The following C1orf21 variants were observed in gnomAD, a reference collection of about 807,000 sequenced individuals.
The protein encoded by C1orf21 is chromosome 1 open reading frame 21, also known as uncharacterized protein C1orf21.
A neutral mutation model predicts 18.7 loss-of-function variants in C1orf21; 3 were observed. That is an observed-to-expected ratio of 0.16 (90% CI 0.07 to 0.42). C1orf21 has a LOEUF of 0.42. Among genes scored for constraint, C1orf21 ranks in the 10% least tolerant of loss-of-function variants. The probability of loss-of-function intolerance (pLI) is 0.99; values close to 1 mark genes in which losing one functional copy is unlikely to be tolerated. For synonymous variants in C1orf21, 41 were observed against 46.4 expected (o/e 0.88, Z 0.47); for missense variants, 104 against 143.6 (o/e 0.72, Z 1.41).
At chr1:184,523,032 G>A (rs898541954) in intron 3 of C1orf21, among the ~76,000 whole-genome samples, 1 of 152,222 alleles carries the variant, frequency 6.6e-6, no homozygotes, top group Non-Finnish European at 1.5e-5. Context: ...AAATATCCAT[G>A]AGTCCATACT....
Position 184,512,122 on chromosome 1 carries a change from G to A in C1orf21, c.189+4440G>A, listed in dbSNP as rs559853603. Among the ~76,000 whole-genome samples the A allele has an allele frequency of 3.3e-5, 5 of 152,308 alleles. No individual in the cohort carries two copies. The East Asian group carries it at 9.6e-4, about 29-fold the overall frequency. On this transcript the variant is annotated intron_variant, in intron 3 of 5. Transcript: ENST00000235307. ...CCCTAGGTGGTCTGTGCCCACAGGA[G>A]GCTTTGGTTTCTGTCTTGCCACTGC...
rs886242386 is a variant in C1orf21, at chr1:184,624,099, T to C, written c.*4543T>C. Reference sequence around the variant, plus strand: ...GTGGAATGCATCTATCCAACATAAATGCCCATGTTGAAAGAAGGAAAGATG... The same window carrying C: ...GTGGAATGCATCTATCCAACATAAACGCCCATGTTGAAAGAAGGAAAGATG... On this transcript the variant is annotated 3_prime_UTR_variant, in exon 6 of 6. Transcript: ENST00000235307. 1.2e-4 allele frequency: 19 copies of C among 152,662 alleles called. No homozygotes were observed. Among genetic ancestry groups the C allele is most frequent in the African/African-American group, 3.6e-4 (15 of 41,460 alleles). 9.5% of individuals were successfully genotyped at this position (152,662 alleles called of 1,614,324 possible). A position where few individuals can be genotyped will look rare whatever the true frequency, so the allele number is the denominator to read the frequency against.
At chr1:184,530,771 A>G (rs1658450458) in intron 3 of C1orf21, among the ~76,000 whole-genome samples, 1 of 151,790 alleles carries the variant, frequency 6.6e-6, no homozygotes, top group Non-Finnish European at 1.5e-5. Flanking sequence ...GATCTTGCTT[A>G]CTTATTTCCA....
At chr1:184,535,228 T>C (rs1360124693) in intron 3 of C1orf21, among the ~76,000 whole-genome samples, 1 of 152,124 alleles carries the variant, frequency 6.6e-6, no homozygotes, top group Admixed American at 6.5e-5. Flanking sequence ...GGGACAGCTG[T>C]GTAGGAGCTT....
chr1:184,404,033 T>C (rs1656204433), intron 1 of C1orf21, among the ~76,000 whole-genome samples: 1 of 152,224 alleles, frequency 6.6e-6, no homozygotes, highest in Non-Finnish European at 1.5e-5. Context: ...GGATATGTTA[T>C]ATGCCAGATA....
At chr1:184,390,440 A>G (rs1655954594) in intron 1 of C1orf21, among the ~76,000 whole-genome samples, 1 of 152,204 alleles carries the variant, frequency 6.6e-6, no homozygotes, top group South Asian at 2.1e-4. Context: ...AGTTTACATG[A>G]AAATAATTTG....
intron 1 of C1orf21, among the ~76,000 whole-genome samples, chr1:184,465,461 T>C (rs1657379279): frequency 6.6e-6 from 1 of 152,126 alleles, no homozygotes; most frequent in Non-Finnish European, 1.5e-5. Context: ...GTCCAGAAAA[T>C]GATCTACAAA....
intron 1 of C1orf21, among the ~76,000 whole-genome samples, chr1:184,407,145 TA>T (rs929334770): frequency 5.9e-5 from 9 of 151,660 alleles, no homozygotes; most frequent in South Asian, 2.1e-4. Flanking sequence ...TTGGCTAATT[TA>T]AAAAAAAATT....
intron 5 of C1orf21, among the ~76,000 whole-genome samples, chr1:184,604,348 C>G (rs1228261581): frequency 3.9e-5 from 6 of 152,184 alleles, no homozygotes; most frequent in Non-Finnish European, 8.8e-5. Context: ...GTTCCTCCCA[C>G]CCAGCAGGTT....
intron 1 of C1orf21, among the ~76,000 whole-genome samples, chr1:184,436,424 A>T (rs892162086): frequency 6.6e-5 from 10 of 151,494 alleles, no homozygotes; most frequent in African/African-American, 2.2e-4. Flanking sequence ...GTGTAGAAGG[A>T]TGTGGTGCAA....
chr1:184,390,427 G>A lies in C1orf21; in HGVS notation c.-125+3059G>A, dbSNP rs561697735. On this transcript the variant is annotated intron_variant, in intron 1 of 5. Coordinates refer to ENST00000235307, the MANE Select transcript of C1orf21 (RefSeq NM_030806.4). The stretch of plus-strand genomic sequence containing the variant: ...GGTATGGCAGGTCTGATCTTACAAT[G>A]CAAGTTTACATGAAAATAATTTGTA... 2.0e-5 allele frequency among the ~76,000 whole-genome samples: 3 copies of A among 152,292 alleles called. No homozygotes were observed. The South Asian group carries it at 6.2e-4, about 32-fold the overall frequency.
At chr1:184,459,099 T>C (rs1217001434) in intron 1 of C1orf21, among the ~76,000 whole-genome samples, 21 of 152,240 alleles carry the variant, frequency 1.4e-4, no homozygotes, top group Admixed American at 1.4e-3. Flanking sequence ...TTGATCCCTG[T>C]CTGGGGAACA....
intron 5 of C1orf21, among the ~76,000 whole-genome samples, chr1:184,600,153 A>G (rs1331424843): frequency 1.3e-5 from 2 of 151,930 alleles, no homozygotes; most frequent in Non-Finnish European, 2.9e-5. Flanking sequence ...GATATAATCT[A>G]TATCCAATGT....
At chr1:184,515,885 C>A (rs1386852631) in intron 3 of C1orf21, among the ~76,000 whole-genome samples, 2 of 152,202 alleles carry the variant, frequency 1.3e-5, no homozygotes, top group Non-Finnish European at 2.9e-5. Flanking sequence ...GTGATCTCGG[C>A]TCACTGCAAC....
At chr1:184,572,681 C>T (rs1054460061) in intron 3 of C1orf21, among the ~76,000 whole-genome samples, 5 of 152,072 alleles carry the variant, frequency 3.3e-5, no homozygotes, top group Non-Finnish European at 5.9e-5. Context: ...AGGCCAGGTG[C>T]GGTGGCTCAC....
chr1:184,498,104 A>G (rs561750661), intron 2 of C1orf21, among the ~76,000 whole-genome samples: 83 of 152,158 alleles, frequency 5.5e-4, no homozygotes, highest in African/African-American at 1.9e-3. Context: ...GACCGCCACA[A>G]TTCTCCCACT....
intron 5 of C1orf21, among the ~76,000 whole-genome samples, chr1:184,615,750 CCCT>C (rs1479339151): frequency 2.0e-5 from 3 of 152,152 alleles, no homozygotes; most frequent in Middle Eastern, 3.4e-3. Flanking sequence ...GAGATGGGGC[CCCT>C]CCAATGACAA....
intron 3 of C1orf21, among the ~76,000 whole-genome samples, chr1:184,537,659 CT>C (rs200438676): frequency 6.6e-6 from 1 of 151,588 alleles, no homozygotes; most frequent in African/African-American, 2.4e-5. Context: ...TTTATTTTTT[CT>C]TTTTTTTGAG....
chr1:184,511,808 G>A (rs1369481608), intron 3 of C1orf21, among the ~76,000 whole-genome samples: 3 of 151,610 alleles, frequency 2.0e-5, no homozygotes, highest in Admixed American at 2.0e-4. Context: ...ATGGTGGCAG[G>A]AGAGAGAAGT....
Sources: gnomAD v4.1 joint callset for allele counts (sites outside exome capture counted in the v4.1 genomes callset) on GRCh38, gnomAD v4.1.1 for gene constraint, MANE v1.5 for transcripts, NCBI Gene and HGNC (gene_info 2026-07-23, HGNC 2026-07-21) for gene names.